XYLT1: variants seen among roughly 807,000 people sequenced by gnomAD.
XYLT1 encodes beta-D-xylosyltransferase 1.
In XYLT1, 36 loss-of-function variants were observed where a neutral mutation model predicts 91.3. That is an observed-to-expected ratio of 0.39 (90% CI 0.30 to 0.52). The LOEUF (loss-of-function observed/expected upper bound fraction) is 0.52, where lower values mean the gene tolerates loss of function less well. XYLT1 is among the 20% of genes least tolerant of loss of function. XYLT1 has a pLI of 0.68. For synonymous variants in XYLT1, 588 were observed against 532.0 expected, an observed-to-expected ratio of 1.11 and a Z score of -1.45; for missense variants, 1,242 against 1,284.5, an observed-to-expected ratio of 0.97 and a Z score of 0.51.
intron 5 of XYLT1, among the ~76,000 whole-genome samples, chr16:17,165,595 G>C (rs1331544732): frequency 1.3e-5 from 2 of 152,180 alleles, no homozygotes; most frequent in Non-Finnish European, 2.9e-5. Context: ...CGGAGGCTGA[G>C]GCATGAGAAT....
intron 2 of XYLT1, among the ~76,000 whole-genome samples, chr16:17,265,124 G>A (rs1047781296): frequency 6.6e-6 from 1 of 152,230 alleles, no homozygotes; most frequent in Non-Finnish European, 1.5e-5. Flanking sequence ...GGAGATGGAG[G>A]TTGCAGTGAG....
At chr16:17,456,247 T>C (rs2036740134) in intron 1 of XYLT1, among the ~76,000 whole-genome samples, 2 of 151,836 alleles carry the variant, frequency 1.3e-5, no homozygotes, top group South Asian at 4.2e-4. Context: ...GTACATTCTA[T>C]GTGGTGGTTT....
intron 1 of XYLT1, among the ~76,000 whole-genome samples, chr16:17,364,351 G>T (rs1173146629): frequency 6.6e-6 from 1 of 152,154 alleles, no homozygotes; most frequent in Non-Finnish European, 1.5e-5. Context: ...AACCCAGACT[G>T]TCCCAGGAAA....
chr16:17,181,916 T>TA (rs2032079185), intron 5 of XYLT1, among the ~76,000 whole-genome samples: 1 of 152,096 alleles, frequency 6.6e-6, no homozygotes. Flanking sequence ...TATCCATCAG[T>TA]ATGACCAAGC....
chr16:17,147,987 G>A (rs1221725528), intron 6 of XYLT1, among the ~76,000 whole-genome samples: 1 of 152,186 alleles, frequency 6.6e-6, no homozygotes. Flanking sequence ...AGGTTACCTG[G>A]GGCAACTGGG....
intron 2 of XYLT1, among the ~76,000 whole-genome samples, chr16:17,295,815 A>T (rs1317957620): frequency 6.6e-6 from 1 of 151,974 alleles, no homozygotes; most frequent in Non-Finnish European, 1.5e-5. Flanking sequence ...GCACAGGACG[A>T]CCCTCCACAA....
intron 1 of XYLT1, among the ~76,000 whole-genome samples, chr16:17,375,481 A>AACGCACACACACACACACACAC (rs147157761): frequency 6.8e-6 from 1 of 147,430 alleles, no homozygotes; most frequent in Non-Finnish European, 1.5e-5. Flanking sequence ...TAACATTTAA[A>AACGCACACACACACACACACAC]ACACACACAC....
chr16:17,262,285 G>A (rs982210634), intron 2 of XYLT1, among the ~76,000 whole-genome samples: 2 of 152,288 alleles, frequency 1.3e-5, no homozygotes, highest in Middle Eastern at 3.4e-3. Context: ...TCCAACGTAG[G>A]CACTACTGTT....
chr16:17,272,671 C>T (rs751981538), intron 2 of XYLT1, among the ~76,000 whole-genome samples: 6 of 152,340 alleles, frequency 3.9e-5, no homozygotes, highest in East Asian at 3.9e-4. Flanking sequence ...TAGATTTCTA[C>T]GCATGACAGT....
At chr16:17,386,816 C>A (rs796070660) in intron 1 of XYLT1, among the ~76,000 whole-genome samples, 8 of 152,280 alleles carry the variant, frequency 5.3e-5, no homozygotes, top group African/African-American at 1.9e-4. Flanking sequence ...TTCACAGTAA[C>A]CCAATAAGGC....
intron 5 of XYLT1, among the ~76,000 whole-genome samples, chr16:17,186,881 C>G (rs1483501830): frequency 6.6e-6 from 1 of 152,018 alleles, no homozygotes; most frequent in Non-Finnish European, 1.5e-5. Flanking sequence ...AGGGTCTGAC[C>G]TGGGTGGGGA....
At chr16:17,224,462 T>C (rs562347363) in intron 3 of XYLT1, among the ~76,000 whole-genome samples, 1 of 152,360 alleles carries the variant, frequency 6.6e-6, no homozygotes, top group South Asian at 2.1e-4. Flanking sequence ...GTCTTATCAG[T>C]GTATCTGTGC....
At chr16:17,224,558 T>A (rs2033029856) in intron 3 of XYLT1, among the ~76,000 whole-genome samples, 1 of 152,254 alleles carries the variant, frequency 6.6e-6, no homozygotes, top group African/African-American at 2.4e-5. Flanking sequence ...TACTTTCAAG[T>A]CAGGCTTCCC....
At chr16:17,144,942 ATGT>A (rs1301520598) in intron 6 of XYLT1, among the ~76,000 whole-genome samples, 1 of 152,198 alleles carries the variant, frequency 6.6e-6, no homozygotes, top group African/African-American at 2.4e-5. Flanking sequence ...TTCATTAACA[ATGT>A]TGTCCAACTG....
chr16:17,364,713 G>C (rs1176141395), intron 1 of XYLT1, among the ~76,000 whole-genome samples: 1 of 152,200 alleles, frequency 6.6e-6, no homozygotes, highest in Non-Finnish European at 1.5e-5. Flanking sequence ...CCATTTTATA[G>C]ATCAGATAAC....
chr16:17,138,588 T>TGGGGTGG, intron 7 of XYLT1, 57 bp from the exon 8 acceptor site: 1 of 1,583,074 alleles, frequency 6.3e-7, no homozygotes, highest in Middle Eastern at 1.9e-4. Context: ...ACAGATGAAC[T>TGGGGTGG]GGGGTGGGAA....
intron 1 of XYLT1, among the ~76,000 whole-genome samples, chr16:17,452,830 T>C (rs1424734916): frequency 6.6e-6 from 1 of 152,122 alleles, no homozygotes; most frequent in Non-Finnish European, 1.5e-5. Flanking sequence ...TAGAAAGTAG[T>C]CTTTAAAAAG....
intron 2 of XYLT1, among the ~76,000 whole-genome samples, chr16:17,288,676 T>C (rs2034176279): frequency 6.6e-6 from 1 of 152,188 alleles, no homozygotes; most frequent in Non-Finnish European, 1.5e-5. Context: ...TGGAACCCTG[T>C]CACTGCCATT....
intron 1 of XYLT1, among the ~76,000 whole-genome samples, chr16:17,461,566 TGGATGGATGAATGGACAGA>T (rs776837892): frequency 1.2e-3 from 178 of 152,118 alleles, no homozygotes; most frequent in African/African-American, 3.7e-3. Flanking sequence ...GATGGACAGA[TGGATGGATGAATGGACAGA>T]GGATGGATGA....
Sources: allele counts gnomAD v4.1 joint callset (sites outside exome capture counted in the v4.1 genomes callset), GRCh38; gene constraint gnomAD v4.1.1; transcripts MANE v1.5; gene names NCBI Gene and HGNC (gene_info 2026-07-23, HGNC 2026-07-21).